The following GPC6 variants were observed in gnomAD, a reference collection of about 807,000 sequenced individuals.
GPC6 encodes the protein glypican-6.
A neutral mutation model predicts 55.2 loss-of-function variants in GPC6; 14 were observed. The ratio of observed to expected loss-of-function variants is 0.25; its 90% CI spans 0.17 to 0.40. GPC6 has a LOEUF of 0.40. GPC6 is among the 10% of genes least tolerant of loss of function. The pLI is 1.00. For synonymous variants in GPC6, 278 were observed against 259.6 expected (o/e 1.07, Z -0.68); for missense variants, 641 against 708.5 (o/e 0.90, Z 1.08).
intron 6 of GPC6, among the ~76,000 whole-genome samples, chr13:94,358,851 T>C (rs915026022): frequency 1.3e-5 from 2 of 152,254 alleles, no homozygotes; most frequent in Non-Finnish European, 2.9e-5. Flanking sequence ...TTTTTCATCA[T>C]GTTTTAGGAA....
intron 3 of GPC6, among the ~76,000 whole-genome samples, chr13:93,901,807 A>G (rs1876369268): frequency 6.6e-6 from 1 of 151,504 alleles, no homozygotes; most frequent in Non-Finnish European, 1.5e-5. Flanking sequence ...AGGCTGAGGC[A>G]GGAAAATCAC....
intron 4 of GPC6, among the ~76,000 whole-genome samples, chr13:94,271,382 GCACACA>G (rs60762188): frequency 1.3e-4 from 16 of 126,680 alleles, no homozygotes; most frequent in South Asian, 7.7e-4. Context: ...GCGCGCGCGC[GCACACA>G]CACACACACA....
chr13:93,377,313 A>C (rs1377784125), intron 1 of GPC6, among the ~76,000 whole-genome samples: 2 of 152,226 alleles, frequency 1.3e-5, no homozygotes, highest in Admixed American at 6.5e-5. Context: ...AGCAAAGTCA[A>C]AGAGGTTATG....
chr13:93,367,050 A>C (rs1376112618), intron 1 of GPC6, among the ~76,000 whole-genome samples: 1 of 152,042 alleles, frequency 6.6e-6, no homozygotes, highest in Non-Finnish European at 1.5e-5. Context: ...TGCAAAGCTC[A>C]TTTACTCTTT....
At chr13:93,687,735 A>T (rs1594372582) in intron 2 of GPC6, among the ~76,000 whole-genome samples, 1 of 152,096 alleles carries the variant, frequency 6.6e-6, no homozygotes, top group African/African-American at 2.4e-5. Flanking sequence ...TAAATAGGCT[A>T]GTTTTACCAA....
chr13:93,282,242 A>G (rs1877976745), intron 1 of GPC6, among the ~76,000 whole-genome samples: 1 of 152,206 alleles, frequency 6.6e-6, no homozygotes, highest in Non-Finnish European at 1.5e-5. Flanking sequence ...AGAAGGTGAA[A>G]GAAACAAAAA....
rs552423914 is a variant in GPC6 at position 93,386,133 on chromosome 13, A to C, written c.160+158517A>C. Among the ~76,000 whole-genome samples, 7 of 150,126 alleles carry C rather than the reference A, an allele frequency of 4.7e-5. No individual in the cohort carries two copies. In the South Asian group the frequency reaches 1.5e-3, roughly 32 times the overall value. On this transcript the variant is annotated intron_variant, in intron 1 of 8. Transcript: ENST00000377047. Reference sequence around the variant, plus strand: ...AAAAAAAAAAGCCCACCTATCCACTATACTCAGTCAAATTCTATTATCCTT... The same window carrying C: ...AAAAAAAAAAGCCCACCTATCCACTCTACTCAGTCAAATTCTATTATCCTT...
At chr13:93,247,099 C>T (rs1245854726) in intron 1 of GPC6, among the ~76,000 whole-genome samples, 1 of 151,490 alleles carries the variant, frequency 6.6e-6, no homozygotes, top group Non-Finnish European at 1.5e-5. Flanking sequence ...TAACTTGCAA[C>T]AAAAACCATT....
intron 4 of GPC6, among the ~76,000 whole-genome samples, chr13:94,081,998 G>A (rs754140332): frequency 6.6e-6 from 1 of 151,654 alleles, no homozygotes; most frequent in Non-Finnish European, 1.5e-5. Flanking sequence ...CCACCACCAC[G>A]CCTAGCTAAT....
rs1181590185 is a variant in GPC6 at position 94,407,977 on chromosome 13, A to G, written c.*4760A>G. Among the ~76,000 whole-genome samples the G allele has an allele frequency of 6.6e-6, 1 of 152,232 alleles. No individual in the cohort carries two copies. Among genetic ancestry groups the G allele is most frequent in the East Asian group, 1.9e-4 (1 of 5,204 alleles). On this transcript the variant is annotated 3_prime_UTR_variant, in exon 9 of 9. Transcript: ENST00000377047. Reference sequence around the variant, plus strand: ...CATAATTATTACAGATAAATAATGTATTTCAAGAATGATCTTATAAATAAA... The same window carrying G: ...CATAATTATTACAGATAAATAATGTGTTTCAAGAATGATCTTATAAATAAA...
intron 2 of GPC6, among the ~76,000 whole-genome samples, chr13:93,671,928 A>G (rs990452672): frequency 1.1e-4 from 16 of 151,942 alleles, no homozygotes; most frequent in African/African-American, 3.6e-4. Context: ...CACTACAATG[A>G]CCTATGGACA....
chr13:93,449,353 T>A (rs1025300051), intron 1 of GPC6, among the ~76,000 whole-genome samples: 2 of 152,090 alleles, frequency 1.3e-5, no homozygotes, highest in African/African-American at 4.8e-5. Context: ...AATTAAGGTG[T>A]GAAACGCAGG....
At chr13:94,006,502 T>A (rs963822819) in intron 3 of GPC6, among the ~76,000 whole-genome samples, 1 of 152,220 alleles carries the variant, frequency 6.6e-6, no homozygotes, top group African/African-American at 2.4e-5. Flanking sequence ...TCATAGCCTG[T>A]ACTTTGTATG....
chr13:93,276,619 C>A (rs1381222678), intron 1 of GPC6, among the ~76,000 whole-genome samples: 1 of 151,630 alleles, frequency 6.6e-6, no homozygotes, highest in East Asian at 2.0e-4. Context: ...GTGAAGGCAG[C>A]CTTGAAGAGG....
chr13:93,537,152 T>G (rs906259069), intron 1 of GPC6, among the ~76,000 whole-genome samples: 1 of 152,154 alleles, frequency 6.6e-6, no homozygotes, highest in African/African-American at 2.4e-5. Flanking sequence ...CAGAAAAATT[T>G]TCGTAAGTTT....
chr13:93,542,555 G>T (rs1434813544), intron 1 of GPC6, among the ~76,000 whole-genome samples: 1 of 152,092 alleles, frequency 6.6e-6, no homozygotes, highest in African/African-American at 2.4e-5. Context: ...TTCCAATTCT[G>T]TGAAGAAAGT....
At chr13:94,276,161 AC>A (rs1341617541) in intron 4 of GPC6, among the ~76,000 whole-genome samples, 1 of 152,182 alleles carries the variant, frequency 6.6e-6, no homozygotes, top group Non-Finnish European at 1.5e-5. Context: ...ATAGCAGAAA[AC>A]CCTAGGACAT....
chr13:94,202,694 C>T (rs1171797773), intron 4 of GPC6, among the ~76,000 whole-genome samples: 4 of 152,012 alleles, frequency 2.6e-5, no homozygotes, highest in Non-Finnish European at 5.9e-5. Flanking sequence ...TAAGGTAATG[C>T]TAGAACCTTG....
intron 3 of GPC6, among the ~76,000 whole-genome samples, chr13:94,021,537 T>TA (rs1264840641): frequency 6.6e-6 from 1 of 152,058 alleles, no homozygotes; most frequent in African/African-American, 2.4e-5. Flanking sequence ...GCCAGGTAGA[T>TA]AAGTCTCTGT....
Sources: gnomAD v4.1 joint callset for allele counts (sites outside exome capture counted in the v4.1 genomes callset) on GRCh38, gnomAD v4.1.1 for gene constraint, MANE v1.5 for transcripts, NCBI Gene and HGNC (gene_info 2026-07-23, HGNC 2026-07-21) for gene names.